The following MAPK4 variants were observed in gnomAD, a reference collection of about 807,000 sequenced individuals.
The protein encoded by MAPK4 is Erk3-related.
In MAPK4, 22 loss-of-function variants were observed where a neutral mutation model predicts 47.7. That is an observed-to-expected ratio of 0.46 (90% CI 0.33 to 0.66). The LOEUF (loss-of-function observed/expected upper bound fraction) is 0.66. Ranked by LOEUF, MAPK4 falls within the 30% of genes least tolerant of loss-of-function variation. The pLI, the probability that MAPK4 is intolerant of heterozygous loss-of-function variation, is 0.02. For missense variants in MAPK4, 736 were observed against 831.7 expected (o/e 0.88, Z 1.42); for synonymous variants, 390 against 365.7 (o/e 1.07, Z -0.76).
chr18:50,599,807 C>G (rs573275960), intron 1 of MAPK4, among the ~76,000 whole-genome samples: 1 of 152,132 alleles, frequency 6.6e-6, no homozygotes. Context: ...GCCTGAGTAA[C>G]TTTCCACAAA....
intron 1 of MAPK4, among the ~76,000 whole-genome samples, chr18:50,631,131 G>C (rs1380065544): frequency 6.6e-6 from 1 of 152,184 alleles, no homozygotes; most frequent in Non-Finnish European, 1.5e-5. Flanking sequence ...CTGCCTTCTG[G>C]TTTCAGCTCT....
intron 2 of MAPK4, among the ~76,000 whole-genome samples, chr18:50,694,338 C>G (rs1909391616): frequency 6.6e-6 from 1 of 152,220 alleles, no homozygotes; most frequent in Non-Finnish European, 1.5e-5. Flanking sequence ...TTCATAATCC[C>G]TATCCCATGG....
At chr18:50,686,388 C>A (rs531275227) in intron 2 of MAPK4, among the ~76,000 whole-genome samples, 6 of 152,312 alleles carry the variant, frequency 3.9e-5, no homozygotes, top group Non-Finnish European at 5.9e-5. Context: ...AACAAAAAGT[C>A]TTTTCTGCTT....
At chr18:50,703,379 C>T (rs1255039896) in intron 2 of MAPK4, among the ~76,000 whole-genome samples, 3 of 152,232 alleles carry the variant, frequency 2.0e-5, no homozygotes, top group African/African-American at 7.2e-5. Flanking sequence ...GTGAAAGTAG[C>T]TGGCATTTCT....
chr18:50,728,118 G>A (rs550697729), intron 5 of MAPK4, among the ~76,000 whole-genome samples: 1 of 152,194 alleles, frequency 6.6e-6, no homozygotes, highest in South Asian at 2.1e-4. Context: ...CCACACAGCC[G>A]AATCTGCCTC....
At position 50,562,213 on chromosome 18, in the gene MAPK4, A is replaced by G. The variant is rs1039987922; in HGVS notation, c.-871+1970A>G. Among the ~76,000 whole-genome samples, 3 of 152,238 alleles carry G rather than the reference A, an allele frequency of 2.0e-5. No homozygotes were observed. The East Asian group carries it at 5.8e-4, about 29-fold the overall frequency. On this transcript the variant is annotated intron_variant, in intron 1 of 5. Coordinates refer to ENST00000400384, the MANE Select transcript of MAPK4 (RefSeq NM_002747.4). ...AAACAAATAGAAATTAGTGATTTGTATTAATCCAGAACCTAATCTGCTTTA... is the reference window on the plus strand; with the variant it reads ...AAACAAATAGAAATTAGTGATTTGTGTTAATCCAGAACCTAATCTGCTTTA...
intron 1 of MAPK4, among the ~76,000 whole-genome samples, chr18:50,643,379 A>C (rs1015030029): frequency 6.6e-6 from 1 of 152,194 alleles, no homozygotes; most frequent in Admixed American, 6.5e-5. Context: ...CAGGCATGGC[A>C]TGGTGGTGCA....
At chr18:50,566,446 G>A (rs1239426367) in intron 1 of MAPK4, among the ~76,000 whole-genome samples, 10 of 152,204 alleles carry the variant, frequency 6.6e-5, no homozygotes, top group African/African-American at 1.9e-4. Flanking sequence ...GGAGGCTGGC[G>A]CAAGGAGCCA....
Position 50,722,001 on chromosome 18 carries a change from A to G in MAPK4, c.755A>G (p.Asp252Gly). Residue 252 changes from aspartate (D) to glycine (G), a missense_variant, in exon 4 of 6, where the codon GAC (aspartate) becomes GGC (glycine). Around this residue, in one of 3 missense-constraint regions of MAPK4, gnomAD observed 327 missense variants for 395.4 expected, o/e 0.83. Coordinates refer to ENST00000400384, the MANE Select transcript of MAPK4 (RefSeq NM_002747.4). ...LETIPVIREE[D>G]KDELLRVMPS... Reference sequence around the variant, plus strand: ...ACCATCCCTGTAATCCGGGAGGAAGACAAGGACGAGCTGCTCAGGGTGATG... The same window carrying G: ...ACCATCCCTGTAATCCGGGAGGAAGGCAAGGACGAGCTGCTCAGGGTGATG... 1.2e-6 allele frequency: 2 copies of G among 1,614,120 alleles called. No individual in the cohort carries two copies. The highest frequency in any genetic ancestry group is 1.7e-6 in the Non-Finnish European group (2 of 1,180,002).
intron 1 of MAPK4, among the ~76,000 whole-genome samples, chr18:50,568,010 C>T (rs1166582556): frequency 6.6e-6 from 1 of 151,894 alleles, no homozygotes; most frequent in East Asian, 1.9e-4. Flanking sequence ...TCCTGGCTAA[C>T]ACGGTGAAAC....
At chr18:50,714,048 T>C (rs1181348049) in intron 2 of MAPK4, among the ~76,000 whole-genome samples, 1 of 152,186 alleles carries the variant, frequency 6.6e-6, no homozygotes. Flanking sequence ...CTGGCCTTCT[T>C]AACTTTTCAT....
At position 50,729,382 on chromosome 18, in the gene MAPK4, A is replaced by G. The variant is rs1190195622; in HGVS notation, c.1292A>G (p.Lys431Arg). ...GACTACGGGCGCTCCTGCGACTACA[A>G]GGTGGGGTCGCCGTCCTACCTGGAC... ...EADYGRSCDY[K>R]VGSPSYLDKL... Residue 431 changes from lysine to arginine, a missense_variant, in exon 6 of 6, where the codon AAG becomes AGG. Lys to Arg is a conservative substitution (Grantham distance 26). Coordinates refer to ENST00000400384, the MANE Select transcript of MAPK4 (RefSeq NM_002747.4). 2.5e-6 allele frequency: 4 copies of G among 1,569,674 alleles called. No individual in the cohort carries two copies. In the South Asian group the frequency reaches 3.5e-5, roughly 14 times the overall value.
At chr18:50,569,532 T>C (rs1598780393) in intron 1 of MAPK4, among the ~76,000 whole-genome samples, 1 of 152,236 alleles carries the variant, frequency 6.6e-6, no homozygotes, top group African/African-American at 2.4e-5. Context: ...TGTTCTGTCT[T>C]ACTTCTAGGG....
chr18:50,687,200 T>G (rs952296709), intron 2 of MAPK4, among the ~76,000 whole-genome samples: 3 of 152,150 alleles, frequency 2.0e-5, no homozygotes, highest in Admixed American at 1.3e-4. Context: ...TTTTTTTCTA[T>G]TTTTTATAGA....
At chr18:50,585,210 G>A (rs1327861775) in intron 1 of MAPK4, among the ~76,000 whole-genome samples, 2 of 152,204 alleles carry the variant, frequency 1.3e-5, no homozygotes, top group East Asian at 3.9e-4. Flanking sequence ...GGGCCAGCTG[G>A]ACTGGCATTT....
chr18:50,634,304 GTTTTTTTTTTC>G (rs1238853915), intron 1 of MAPK4, among the ~76,000 whole-genome samples: 1 of 101,724 alleles, frequency 9.8e-6, no homozygotes, highest in East Asian at 3.4e-4. Context: ...GCTGTCAGGT[GTTTTTTTTTTC>G]TTTTTTTTTT....
intron 1 of MAPK4, among the ~76,000 whole-genome samples, chr18:50,622,663 C>G (rs1254004862): frequency 6.6e-6 from 1 of 152,242 alleles, no homozygotes; most frequent in African/African-American, 2.4e-5. Flanking sequence ...CACCTCTCTC[C>G]CTCATGTCAC....
chr18:50,579,672 C>T (rs2042326846), intron 1 of MAPK4, among the ~76,000 whole-genome samples: 1 of 152,212 alleles, frequency 6.6e-6, no homozygotes, highest in Non-Finnish European at 1.5e-5. Context: ...GCCTATTCCC[C>T]TTCAATTTGG....
intron 2 of MAPK4, among the ~76,000 whole-genome samples, chr18:50,686,985 A>C (rs1014550732): frequency 2.0e-5 from 3 of 152,254 alleles, no homozygotes; most frequent in Admixed American, 2.0e-4. Context: ...CTATACATAT[A>C]TAACAGCTTT....
Sources: allele counts gnomAD v4.1 joint callset (sites outside exome capture counted in the v4.1 genomes callset), GRCh38; gene constraint gnomAD v4.1.1; regional missense constraint gnomAD v4.1.1; transcripts MANE v1.5; gene names NCBI Gene and HGNC (gene_info 2026-07-23, HGNC 2026-07-21).